DIAPH3: variants seen among roughly 807,000 people sequenced by gnomAD.
DIAPH3 encodes the protein diaphanous related formin 3.
In DIAPH3, 117 loss-of-function variants were observed where a neutral mutation model predicts 144.3. That is an observed-to-expected ratio of 0.81 (90% CI 0.70 to 0.95). The LOEUF (loss-of-function observed/expected upper bound fraction) is 0.95. DIAPH3 is among the 40% of genes least tolerant of loss of function. The probability of loss-of-function intolerance (pLI) is 0.00; values close to 1 mark genes in which losing one functional copy is unlikely to be tolerated. For synonymous variants in DIAPH3, 519 were observed against 488.9 expected, an observed-to-expected ratio of 1.06 and a Z score of -0.81; for missense variants, 1,421 against 1,412.7, an observed-to-expected ratio of 1.01 and a Z score of -0.09.
chr13:60,123,715 T>A (rs959195862), intron 2 of DIAPH3, among the ~76,000 whole-genome samples: 2 of 152,220 alleles, frequency 1.3e-5, no homozygotes, highest in African/African-American at 4.8e-5. Flanking sequence ...TATGAATATA[T>A]AGTTTTACTG....
chr13:60,008,614 C>G lies in DIAPH3; in HGVS notation c.944G>C (p.Gly315Ala). ...EEVLEALTSA[G>A]EEKKIDRFFC... ...AAATCTGTCAATTTTTTTTTCTTCACCAGCTGAAGTTAAAGCTTCTAAAAC... is the reference window on the plus strand; with the variant it reads ...AAATCTGTCAATTTTTTTTTCTTCAGCAGCTGAAGTTAAAGCTTCTAAAAC... The change falls in exon 9 of 28, where the codon GGT becomes GCT. Residue 315 changes from glycine to alanine, a missense_variant. Coordinates refer to ENST00000400324, the MANE Select transcript of DIAPH3 (RefSeq NM_001042517.2). 1.2e-6 allele frequency: 2 copies of G among 1,613,448 alleles called. No individual in the cohort carries two copies. The highest frequency in any genetic ancestry group is 1.7e-6 in the Non-Finnish European group (2 of 1,179,740).
At chr13:60,074,073 G>A (rs1012494426) in intron 4 of DIAPH3, among the ~76,000 whole-genome samples, 1 of 152,184 alleles carries the variant, frequency 6.6e-6, no homozygotes, top group African/African-American at 2.4e-5. Flanking sequence ...GCCACAGTAG[G>A]AGATGCTTGT....
At chr13:59,809,499 T>A (rs1199835742) in intron 25 of DIAPH3, among the ~76,000 whole-genome samples, 17 of 117,204 alleles carry the variant, frequency 1.5e-4, no homozygotes, top group African/African-American at 5.5e-4. Context: ...CGAAACTCCA[T>A]CTCAAAAAAA....
At chr13:59,727,810 G>T (rs1381441990) in intron 27 of DIAPH3, among the ~76,000 whole-genome samples, 12 of 152,042 alleles carry the variant, frequency 7.9e-5, no homozygotes, top group African/African-American at 2.2e-4. Context: ...TTCATACAGA[G>T]GGTCTACCAC....
intron 17 of DIAPH3, among the ~76,000 whole-genome samples, chr13:59,930,600 A>T (rs188272141): frequency 6.1e-4 from 93 of 152,288 alleles, no homozygotes; most frequent in East Asian, 3.9e-4. Flanking sequence ...ATTAAACAGA[A>T]ATAAATGACA....
At chr13:59,854,024 T>C (rs2043126208) in intron 22 of DIAPH3, among the ~76,000 whole-genome samples, 2 of 151,904 alleles carry the variant, frequency 1.3e-5, no homozygotes, top group Admixed American at 1.3e-4. Flanking sequence ...ACTTTGCAGA[T>C]GAAATTAGTT....
At chr13:59,666,968 A>G in intron 27 of DIAPH3, 122 bp from the exon 28 acceptor site, 1 of 1,167,922 alleles carries the variant, frequency 8.6e-7, no homozygotes. Flanking sequence ...GATAGACTAA[A>G]CAAAGAAACA....
chr13:60,112,626 G>A (rs1686236871), intron 2 of DIAPH3, among the ~76,000 whole-genome samples: 1 of 152,082 alleles, frequency 6.6e-6, no homozygotes, highest in African/African-American at 2.4e-5. Context: ...AGTGGGGGTG[G>A]GAGGGGAACA....
intron 21 of DIAPH3, among the ~76,000 whole-genome samples, chr13:59,866,160 C>A (rs959100791): frequency 1.3e-5 from 2 of 151,862 alleles, no homozygotes; most frequent in Non-Finnish European, 2.9e-5. Context: ...GCATCCTCAG[C>A]ATTAATGTTT....
At chr13:59,905,261 T>C (rs2046663793) in intron 20 of DIAPH3, among the ~76,000 whole-genome samples, 1 of 140,354 alleles carries the variant, frequency 7.1e-6, no homozygotes, top group East Asian at 2.2e-4. Context: ...GAGAATGGCG[T>C]GAACCCGGGA....
At chr13:59,886,747 T>C (rs979463787) in intron 20 of DIAPH3, among the ~76,000 whole-genome samples, 6 of 152,090 alleles carry the variant, frequency 3.9e-5, no homozygotes, top group East Asian at 1.9e-4. Flanking sequence ...TTTAATTACA[T>C]TTAAATTTTT....
At position 60,099,345 on chromosome 13, in the gene DIAPH3, G is replaced by T. The variant is rs573428863; in HGVS notation, c.391-5613C>A. Reference sequence around the variant, plus strand: ...TTGGACAAAATAATCTAACACAAATGCTATTTTATAATAACATTTTGAATA... The same window carrying T: ...TTGGACAAAATAATCTAACACAAATTCTATTTTATAATAACATTTTGAATA... On this transcript the variant is annotated intron_variant, in intron 3 of 27. Transcript: ENST00000400324. Among the ~76,000 whole-genome samples the T allele has an allele frequency of 2.0e-5, 3 of 152,234 alleles. No individual in the cohort carries two copies. In the South Asian group the frequency reaches 6.2e-4, roughly 32 times the overall value.
intron 27 of DIAPH3, among the ~76,000 whole-genome samples, chr13:59,766,972 G>A (rs2139230188): frequency 6.6e-6 from 1 of 152,172 alleles, no homozygotes; most frequent in South Asian, 2.1e-4. Context: ...TGAACATGTG[G>A]CTTTGGTGAC....
intron 21 of DIAPH3, among the ~76,000 whole-genome samples, chr13:59,864,418 C>T (rs554555172): frequency 7.2e-5 from 11 of 152,110 alleles, no homozygotes; most frequent in Non-Finnish European, 1.3e-4. Flanking sequence ...TCTGAATTCT[C>T]GGCAACCCAT....
At chr13:59,943,134 C>G (rs906107183) in intron 17 of DIAPH3, among the ~76,000 whole-genome samples, 1 of 152,122 alleles carries the variant, frequency 6.6e-6, no homozygotes, top group South Asian at 2.1e-4. Context: ...CCTCTTCTAT[C>G]GAGTCTGAAC....
intron 22 of DIAPH3, among the ~76,000 whole-genome samples, chr13:59,847,601 AG>A (rs2042719101): frequency 6.6e-6 from 1 of 152,232 alleles, no homozygotes; most frequent in Non-Finnish European, 1.5e-5. Context: ...ATTACATAAG[AG>A]GTGCATAACA....
chr13:59,774,624 C>A (rs191463670), intron 26 of DIAPH3, 104 bp downstream of exon 26: 1 of 1,080,886 alleles, frequency 9.3e-7, no homozygotes, highest in East Asian at 2.5e-5. Flanking sequence ...TTGTTGCCCA[C>A]GGCACTGCAT....
chr13:60,000,135 TA>T (rs1007817859), intron 9 of DIAPH3, among the ~76,000 whole-genome samples: 1 of 152,194 alleles, frequency 6.6e-6, no homozygotes, highest in Non-Finnish European at 1.5e-5. Context: ...AGATTTTCTC[TA>T]GTAATATTTC....
chr13:60,043,730 A>G (rs1433773712), intron 4 of DIAPH3, among the ~76,000 whole-genome samples: 1 of 152,208 alleles, frequency 6.6e-6, no homozygotes, highest in Non-Finnish European at 1.5e-5. Context: ...TAGAGCAGAG[A>G]TGAAAGAAGA....
Sources: allele counts gnomAD v4.1 joint callset (sites outside exome capture counted in the v4.1 genomes callset), GRCh38; gene constraint gnomAD v4.1.1; transcripts MANE v1.5; gene names NCBI Gene and HGNC (gene_info 2026-07-23, HGNC 2026-07-21).